The following LEMD1 variants were observed in gnomAD, a reference collection of about 807,000 sequenced individuals.
LEMD1 encodes LEM domain containing 1.
In LEMD1, 18 loss-of-function variants were observed where a neutral mutation model predicts 17.4. The observed-to-expected ratio is 1.04, with a 90% CI of 0.72 to 1.54. The LOEUF (loss-of-function observed/expected upper bound fraction) is 1.54. LEMD1 is among the 40% of genes most tolerant of loss of function. The pLI, the probability that LEMD1 is intolerant of heterozygous loss-of-function variation, is 0.00. For missense variants in LEMD1, 195 were observed against 210.4 expected (o/e 0.93, Z 0.45); for synonymous variants, 88 against 77.8 (o/e 1.13, Z -0.69).
chr1:205,428,722 G>A (rs1666089794), intron 1 of LEMD1, among the ~76,000 whole-genome samples: 2 of 152,144 alleles, frequency 1.3e-5, no homozygotes, highest in Admixed American at 6.5e-5. Flanking sequence ...AGAGAGGGTG[G>A]TAGACTGGAG....
chr1:205,413,744 C>T (rs962826680), intron 4 of LEMD1, among the ~76,000 whole-genome samples: 13 of 151,400 alleles, frequency 8.6e-5, no homozygotes, highest in Non-Finnish European at 1.5e-4. Context: ...CCTCTGCCTC[C>T]CGAGTTCAAG....
Position 205,419,287 on chromosome 1 carries a change from G to C in LEMD1, c.148C>G (p.Pro50Ala). 6.2e-7 allele frequency: 1 copy of C among 1,614,162 alleles called. No individual in the cohort carries two copies. The highest frequency in any genetic ancestry group is 1.7e-5 in the Admixed American group (1 of 60,024). Reference protein sequence around the residue: ...QLLVSPPCAPPVMNGPRELDG... With the variant: ...QLLVSPPCAPAVMNGPRELDG... ...AGCTCTCTGGGTCCATTCATCACAGGTGGTGCACAGGGAGGTGAGACCAAC... is the reference window on the plus strand; with the variant it reads ...AGCTCTCTGGGTCCATTCATCACAGCTGGTGCACAGGGAGGTGAGACCAAC... Residue 50 changes from proline to alanine, a missense_variant, in exon 3 of 6, where the codon CCT becomes GCT. Pro to Ala is a conservative substitution (Grantham distance 27, BLOSUM62 -1). Transcript: ENST00000367153.
intron 4 of LEMD1, among the ~76,000 whole-genome samples, chr1:205,407,823 C>T (rs1441556134): frequency 1.3e-5 from 2 of 152,154 alleles, no homozygotes; most frequent in Non-Finnish European, 2.9e-5. Context: ...GACGCTAACT[C>T]CAGGTCTATA....
intron 4 of LEMD1, among the ~76,000 whole-genome samples, chr1:205,410,143 C>T (rs1319085406): frequency 1.3e-5 from 2 of 150,510 alleles, no homozygotes; most frequent in Admixed American, 1.3e-4. Context: ...ACTGGTCTTG[C>T]ACTCCTGGGC....
chr1:205,426,831 T>C (rs114279988), upstream of LEMD1, among the ~76,000 whole-genome samples: 644 of 151,800 alleles, frequency 4.2e-3, 1 homozygote, highest in Non-Finnish European at 7.1e-3. Context: ...TAAAGAAGGG[T>C]GTTCAGGGCT....
intron 4 of LEMD1, among the ~76,000 whole-genome samples, chr1:205,396,475 AT>A (rs1664596748): frequency 6.6e-6 from 1 of 152,232 alleles, no homozygotes. Flanking sequence ...TCTTACACAT[AT>A]AAACACTGGG....
At chr1:205,421,818 C>T (rs1665970856) in intron 1 of LEMD1, among the ~76,000 whole-genome samples, 172 bp downstream of exon 1, 1 of 152,106 alleles carries the variant, frequency 6.6e-6, no homozygotes, top group Non-Finnish European at 1.5e-5. Context: ...TCGGCAGATC[C>T]TATGACATTT....
intron 1 of LEMD1, among the ~76,000 whole-genome samples, chr1:205,444,709 T>C (rs1666353423): frequency 6.6e-6 from 1 of 152,110 alleles, no homozygotes; most frequent in Admixed American, 6.5e-5. Flanking sequence ...GCAATGTCCT[T>C]CATCAGAGTG....
In LEMD1 at chr1:205,416,785, T is replaced by C. The variant is rs184568907; in HGVS notation, c.206-489A>G. On this transcript the variant is annotated intron_variant, in intron 3 of 5. Coordinates refer to ENST00000367153, the MANE Select transcript of LEMD1 (RefSeq NM_001199050.2). ...CTGCAAAGAAGCATTTTGATAAACC[T>C]AGAGGAATGGTGGAGTTGCACATCC... 3.9e-3 allele frequency among the ~76,000 whole-genome samples: 595 copies of C among 152,294 alleles called. 3 individuals carry two copies. Among genetic ancestry groups the C allele is most frequent in the Middle Eastern group, 6.8e-3 (2 of 294 alleles).
intron 1 of LEMD1, among the ~76,000 whole-genome samples, chr1:205,433,372 G>A (rs1482690425): frequency 2.6e-5 from 4 of 151,630 alleles, no homozygotes; most frequent in Admixed American, 6.6e-5. Flanking sequence ...CAGGAGAATC[G>A]CTTGAGCCCA....
At chr1:205,425,741 G>T (rs75029624), upstream of LEMD1, among the ~76,000 whole-genome samples, 244 of 152,280 alleles carry the variant, frequency 1.6e-3, no homozygotes, top group African/African-American at 5.7e-3. Flanking sequence ...CATGAACAAG[G>T]TTGACAGAGG....
intron 4 of LEMD1, among the ~76,000 whole-genome samples, chr1:205,391,032 T>G (rs1420176136): frequency 6.6e-6 from 1 of 152,058 alleles, no homozygotes; most frequent in East Asian, 1.9e-4. Context: ...GTAATACCTG[T>G]GTAACAAACC....
upstream of LEMD1, among the ~76,000 whole-genome samples, chr1:205,425,223 A>G (rs924774234): frequency 2.0e-5 from 3 of 152,250 alleles, no homozygotes; most frequent in Non-Finnish European, 4.4e-5. Flanking sequence ...TGAAGCCAGC[A>G]GCAATGCAGA....
Position 205,390,587 on chromosome 1 carries a change from A to G in LEMD1, c.271-6223T>C, listed in dbSNP as rs1281796321. Among the ~76,000 whole-genome samples the G allele has an allele frequency of 5.9e-5, 9 of 152,370 alleles. No homozygotes were observed. In the East Asian group the frequency reaches 1.3e-3, roughly 23 times the overall value. On this transcript the variant is annotated intron_variant, in intron 4 of 5. Coordinates refer to ENST00000367153, the MANE Select transcript of LEMD1 (RefSeq NM_001199050.2). ...TAAAACAAAAAGAAATTAAAGCTAT[A>G]CAAACCAGGCTACAAAATAATCTGC...
chr1:205,401,554 T>C (rs1664855168), intron 4 of LEMD1, among the ~76,000 whole-genome samples: 1 of 152,170 alleles, frequency 6.6e-6, no homozygotes, highest in Non-Finnish European at 1.5e-5. Flanking sequence ...GTTTGTTTTT[T>C]TCTTGTAAAT....
At chr1:205,390,573 G>A (rs1351358835) in intron 4 of LEMD1, among the ~76,000 whole-genome samples, 2 of 152,074 alleles carry the variant, frequency 1.3e-5, no homozygotes, top group Non-Finnish European at 2.9e-5. Flanking sequence ...AAAACAAAAA[G>A]AAATTAAAGC....
chr1:205,414,775 C>A (rs1403237779), intron 4 of LEMD1, among the ~76,000 whole-genome samples: 1 of 152,052 alleles, frequency 6.6e-6, no homozygotes, highest in Non-Finnish European at 1.5e-5. Context: ...GTAGTCCTAG[C>A]TACTTGGGAG....
intron 4 of LEMD1, among the ~76,000 whole-genome samples, chr1:205,406,708 A>G (rs1299474812): frequency 2.0e-5 from 3 of 152,144 alleles, no homozygotes; most frequent in African/African-American, 7.2e-5. Flanking sequence ...GGTGCGCTGC[A>G]CCCACTGTCC....
chr1:205,432,233 T>C (rs1391236901), intron 1 of LEMD1, among the ~76,000 whole-genome samples: 2 of 152,158 alleles, frequency 1.3e-5, no homozygotes, highest in Non-Finnish European at 2.9e-5. Flanking sequence ...CATAAGTGTG[T>C]GTAGACATGC....
Sources: allele counts gnomAD v4.1 joint callset (sites outside exome capture counted in the v4.1 genomes callset), GRCh38; gene constraint gnomAD v4.1.1; transcripts MANE v1.5; gene names NCBI Gene and HGNC (gene_info 2026-07-23, HGNC 2026-07-21).